The following CFTR variants were observed in gnomAD, a reference collection of about 807,000 sequenced individuals.
CFTR encodes the protein cystic fibrosis transmembrane conductance regulator.
Under a neutral mutation model 171.6 loss-of-function variants are expected in CFTR, and 181 were observed. The ratio of observed to expected loss-of-function variants is 1.05; its 90% CI spans 0.93 to 1.19. The LOEUF (loss-of-function observed/expected upper bound fraction) is 1.19, where lower values mean the gene tolerates loss of function less well. Among genes scored for constraint, CFTR ranks in the 50% most tolerant of loss-of-function variants. The pLI is 0.00. For missense variants in CFTR, 1,968 were observed against 1,734.7 expected (o/e 1.13, Z -2.39); for synonymous variants, 583 against 608.0 (o/e 0.96, Z 0.60).
At chr7:117,633,885 T>C (rs1792787638) in intron 22 of CFTR, among the ~76,000 whole-genome samples, 2 of 152,112 alleles carry the variant, frequency 1.3e-5, no homozygotes, top group African/African-American at 2.4e-5. Flanking sequence ...TGTATACATG[T>C]TGAGTTCGAT....
At chr7:117,639,238 A>C (rs1348523452) in intron 22 of CFTR, among the ~76,000 whole-genome samples, 2 of 152,182 alleles carry the variant, frequency 1.3e-5, no homozygotes, top group Non-Finnish European at 2.9e-5. Flanking sequence ...TATACTTTAC[A>C]AGTTTTTATT....
chr7:117,481,440 T>C (rs1361835250), intron 1 of CFTR, among the ~76,000 whole-genome samples: 1 of 152,234 alleles, frequency 6.6e-6, no homozygotes, highest in Non-Finnish European at 1.5e-5. Context: ...TTCAGAAGAA[T>C]GAATATTTCA....
At chr7:117,590,737 A>G (rs1792013611) in intron 13 of CFTR, among the ~76,000 whole-genome samples, 1 of 152,000 alleles carries the variant, frequency 6.6e-6, no homozygotes, top group African/African-American at 2.4e-5. Context: ...GATATATATT[A>G]CTTTAATTAT....
At chr7:117,546,429 C>A (rs961844960) in intron 9 of CFTR, among the ~76,000 whole-genome samples, 2 of 152,066 alleles carry the variant, frequency 1.3e-5, no homozygotes, top group Non-Finnish European at 2.9e-5. Flanking sequence ...GTCATTGCAG[C>A]TGACCTGTAT....
Position 117,658,020 on chromosome 7 carries a change from G to C in CFTR, c.3963+5089G>C, listed in dbSNP as rs143602192. Among the ~76,000 whole-genome samples the C allele has an allele frequency of 2.6e-5, 4 of 152,216 alleles. No homozygotes were observed. The East Asian group carries it at 7.7e-4, about 29-fold the overall frequency. ...AGCCTCCTTTTTCCTTATTTCCTGG[G>C]TCCACACCTTTACCATGGCAGTCTG... is the stretch of plus-strand genomic sequence containing the variant. On this transcript the variant is annotated intron_variant, in intron 24 of 26. Coordinates refer to ENST00000003084, the MANE Select transcript of CFTR (RefSeq NM_000492.4).
chr7:117,652,801 A>C (rs1429242606), intron 23 of CFTR, 41 bp from the exon 24 acceptor site: 6 of 969,626 alleles, frequency 6.2e-6, no homozygotes, highest in Admixed American at 3.8e-5. Flanking sequence ...AAAGTTATTT[A>C]AGTTATTCAT....
chr7:117,636,367 G>A (rs898881917), intron 22 of CFTR, among the ~76,000 whole-genome samples: 25 of 151,740 alleles, frequency 1.6e-4, no homozygotes, highest in Admixed American at 2.0e-4. Flanking sequence ...CCTTTGTGTC[G>A]GATTTTTTTT....
chr7:117,482,381 A>G (rs1017922976), intron 1 of CFTR, among the ~76,000 whole-genome samples: 7 of 152,034 alleles, frequency 4.6e-5, no homozygotes, highest in Admixed American at 1.3e-4. Context: ...AAAAGTTTGG[A>G]AAAAAAATCT....
chr7:117,602,039 C>CT lies in CFTR; in HGVS notation c.2620-777dup, dbSNP rs377105851. ...ACTGTGACTTTTTACACTGCTGAAA[C>CT]TTTTTTTTTTAAGACAATCTCACTC... On this transcript the variant is annotated intron_variant, in intron 15 of 26. Transcript: ENST00000003084. Among the ~76,000 whole-genome samples the CT allele has an allele frequency of 1.2e-4, 18 of 149,714 alleles. No homozygotes were observed. In the South Asian group the frequency reaches 1.7e-3, roughly 14 times the overall value.
intron 10 of CFTR, among the ~76,000 whole-genome samples, chr7:117,552,243 T>C (rs1799284610): frequency 6.6e-6 from 1 of 152,092 alleles, no homozygotes; most frequent in Admixed American, 6.6e-5. Flanking sequence ...ACCTTTCCGC[T>C]TCAGCCTCCC....
intron 11 of CFTR, among the ~76,000 whole-genome samples, chr7:117,577,580 A>T (rs1791790765): frequency 6.6e-6 from 1 of 152,092 alleles, no homozygotes; most frequent in Non-Finnish European, 1.5e-5. Flanking sequence ...AACCATTGTT[A>T]TTACCTTTAG....
At chr7:117,598,389 A>G (rs1411206894) in intron 15 of CFTR, among the ~76,000 whole-genome samples, 1 of 152,150 alleles carries the variant, frequency 6.6e-6, no homozygotes, top group East Asian at 1.9e-4. Flanking sequence ...GGAAGTATAA[A>G]TTTGTAAATA....
chr7:117,657,660 G>A (rs1230349822), intron 24 of CFTR, among the ~76,000 whole-genome samples: 5 of 152,148 alleles, frequency 3.3e-5, no homozygotes, highest in African/African-American at 1.2e-4. Context: ...GGACTTTCCG[G>A]GGCAAACCAG....
intron 21 of CFTR, among the ~76,000 whole-genome samples, chr7:117,617,079 C>T (rs1303003931): frequency 1.3e-5 from 2 of 152,238 alleles, no homozygotes; most frequent in South Asian, 4.1e-4. Flanking sequence ...TGTCATTTTA[C>T]TTACTGAATT....
intron 3 of CFTR, among the ~76,000 whole-genome samples, chr7:117,510,952 A>G (rs1422685382): frequency 6.6e-6 from 1 of 152,166 alleles, no homozygotes; most frequent in African/African-American, 2.4e-5. Flanking sequence ...TAACTTTCCC[A>G]AAGTTACACA....
At chr7:117,506,845 C>T (rs1798426257) in intron 2 of CFTR, among the ~76,000 whole-genome samples, 1 of 152,102 alleles carries the variant, frequency 6.6e-6, no homozygotes, top group African/African-American at 2.4e-5. Context: ...TACTTCTTTT[C>T]TTATAAAATT....
In CFTR at chr7:117,664,604, A is replaced by C. The variant is rs1297703709; in HGVS notation, c.3964-84A>C. On this transcript the variant is annotated intron_variant, in intron 24 of 26. Coordinates refer to ENST00000003084, the MANE Select transcript of CFTR (RefSeq NM_000492.4). ...ATTGGTATGAAAAACATAAGCTTTC[A>C]GAACTCCTGTGTTTATTTTTAGAAT... The C allele has an allele frequency of 2.3e-6, 3 of 1,277,204 alleles. No individual in the cohort carries two copies. In the African/African-American group the frequency reaches 4.4e-5, roughly 19 times the overall value. The allele number at this position is 1,277,204 out of a possible 1,614,324, so 79.1% of individuals were successfully genotyped here.
At chr7:117,614,976 A>G (rs1584824420) in intron 21 of CFTR, among the ~76,000 whole-genome samples, 2 of 152,160 alleles carry the variant, frequency 1.3e-5, no homozygotes, top group Admixed American at 1.3e-4. Context: ...AGAAATACCT[A>G]GGGGTTGTAT....
Position 117,654,791 on chromosome 7 carries a change from T to C in CFTR, c.3963+1860T>C, listed in dbSNP as rs138402778. Among the ~76,000 whole-genome samples, 395 of 152,304 alleles carry C rather than the reference T, an allele frequency of 2.6e-3. 3 individuals are homozygous for C. The highest frequency in any genetic ancestry group is 9.0e-3 in the African/African-American group (372 of 41,564). On this transcript the variant is annotated intron_variant, in intron 24 of 26. Coordinates refer to ENST00000003084, the MANE Select transcript of CFTR (RefSeq NM_000492.4). Reference sequence around the variant, plus strand: ...TTACAGCAATGTGAAAATGTGCTAATACAGGAGCAAAGACTGCAGTGTGAG... The same window carrying C: ...TTACAGCAATGTGAAAATGTGCTAACACAGGAGCAAAGACTGCAGTGTGAG...
Sources: allele counts gnomAD v4.1 joint callset (sites outside exome capture counted in the v4.1 genomes callset), GRCh38; gene constraint gnomAD v4.1.1; transcripts MANE v1.5; gene names NCBI Gene and HGNC (gene_info 2026-07-23, HGNC 2026-07-21).